Variants in PNLIPRP3 observed in about 807,000 individuals in gnomAD.
The protein encoded by PNLIPRP3 is pancreatic lipase related protein 3, also known as pancreatic lipase-related protein 3.
In PNLIPRP3, 58 loss-of-function variants were observed where a neutral mutation model predicts 52.8. The ratio of observed to expected loss-of-function variants is 1.10; its 90% CI spans 0.89 to 1.37. The LOEUF (loss-of-function observed/expected upper bound fraction) is 1.37, where lower values mean the gene tolerates loss of function less well. PNLIPRP3 is among the 40% of genes most tolerant of loss of function. PNLIPRP3 has a pLI of 0.00. For synonymous variants in PNLIPRP3, 192 were observed against 185.0 expected (o/e 1.04, Z -0.31); for missense variants, 593 against 561.6 (o/e 1.06, Z -0.57).
chr10:116,455,320 C>T (rs1846096153), intron 4 of PNLIPRP3, among the ~76,000 whole-genome samples: 1 of 138,326 alleles, frequency 7.2e-6, no homozygotes, highest in Non-Finnish European at 1.6e-5. Context: ...GTTGCCTTAA[C>T]CTGGGATACA....
intron 1 of PNLIPRP3, among the ~76,000 whole-genome samples, chr10:116,431,423 C>T (rs1373269556): frequency 6.6e-6 from 1 of 152,054 alleles, no homozygotes; most frequent in East Asian, 1.9e-4. Context: ...ATTCAAACTC[C>T]TGGGGGCCAG....
intron 4 of PNLIPRP3, among the ~76,000 whole-genome samples, chr10:116,447,661 C>T (rs972404383): frequency 2.0e-5 from 3 of 152,092 alleles, no homozygotes; most frequent in African/African-American, 7.2e-5. Flanking sequence ...GAAGGCTGAG[C>T]GTGGTGGCCC....
intron 7 of PNLIPRP3, among the ~76,000 whole-genome samples, chr10:116,463,566 C>A: frequency 6.6e-6 from 1 of 152,158 alleles, no homozygotes. Flanking sequence ...GATCTTGGTT[C>A]TTTGCTACTG....
At chr10:116,472,483 A>T (rs1042708187) in intron 10 of PNLIPRP3, among the ~76,000 whole-genome samples, 3 of 152,214 alleles carry the variant, frequency 2.0e-5, no homozygotes. Context: ...TTAACATTAT[A>T]CCTACTAATT....
intron 10 of PNLIPRP3, among the ~76,000 whole-genome samples, chr10:116,473,339 G>A (rs1047568368): frequency 6.6e-6 from 1 of 152,108 alleles, no homozygotes; most frequent in African/African-American, 2.4e-5. Flanking sequence ...CATTAAAATG[G>A]CAATATCAAT....
chr10:116,475,676 G>A (rs1417075276), intron 10 of PNLIPRP3, among the ~76,000 whole-genome samples: 3 of 152,200 alleles, frequency 2.0e-5, no homozygotes, highest in Non-Finnish European at 4.4e-5. Flanking sequence ...TGCCTACGCT[G>A]TACCAGGAAC....
chr10:116,455,630 T>A, intron 4 of PNLIPRP3, 92 bp from the exon 5 acceptor site: 1 of 866,732 alleles, frequency 1.2e-6, no homozygotes, highest in East Asian at 2.7e-5. Context: ...GGGAGAACCA[T>A]GTTGATCCTT....
intron 8 of PNLIPRP3, among the ~76,000 whole-genome samples, chr10:116,467,144 C>T (rs1222264527): frequency 6.6e-6 from 1 of 152,116 alleles, no homozygotes; most frequent in Non-Finnish European, 1.5e-5. Flanking sequence ...CTAGCTCATG[C>T]CACATGGATG....
At chr10:116,439,689 A>G (rs1845829873) in intron 2 of PNLIPRP3, 1 of 768,072 alleles carries the variant, frequency 1.3e-6, no homozygotes, top group Non-Finnish European at 2.4e-6. Context: ...CCACGTCTCC[A>G]ATAGAGAAGC....
intron 4 of PNLIPRP3, among the ~76,000 whole-genome samples, chr10:116,451,796 C>G (rs930080930): frequency 6.6e-6 from 1 of 152,046 alleles, no homozygotes; most frequent in Non-Finnish European, 1.5e-5. Flanking sequence ...TTATGAATTA[C>G]CCAGCCTTAG....
chr10:116,439,460 T>TTCC (rs200520982), intron 2 of PNLIPRP3: 9,751 of 668,570 alleles, frequency 0.015, 80 homozygotes, highest in African/African-American at 0.026. Flanking sequence ...AGTTTCTTTA[T>TTCC]TCCTCCTCCT....
At chr10:116,439,890 C>G (rs965081383) in intron 2 of PNLIPRP3, 12 of 796,834 alleles carry the variant, frequency 1.5e-5, no homozygotes, top group African/African-American at 1.2e-4. Flanking sequence ...CTTTCCCGGA[C>G]ATTATCTTCC....
chr10:116,469,970 C>CAAAAAAAAAAA (rs34958696), intron 9 of PNLIPRP3, among the ~76,000 whole-genome samples: 1 of 131,518 alleles, frequency 7.6e-6, no homozygotes, highest in African/African-American at 2.8e-5. Context: ...ACAATTCAGG[C>CAAAAAAAAAAA]AAAAAAAAAA....
At chr10:116,451,281 T>C (rs1417050663) in intron 4 of PNLIPRP3, among the ~76,000 whole-genome samples, 1 of 152,026 alleles carries the variant, frequency 6.6e-6, no homozygotes, top group East Asian at 1.9e-4. Context: ...ACAAATCAAT[T>C]TGAAATAGAT....
chr10:116,435,259 A>G (rs1243413223), intron 1 of PNLIPRP3, among the ~76,000 whole-genome samples: 1 of 152,142 alleles, frequency 6.6e-6, no homozygotes, highest in Non-Finnish European at 1.5e-5. Context: ...ATCAATTTTG[A>G]TAGTATGAAA....
chr10:116,471,930 C>G, intron 10 of PNLIPRP3, 51 bp downstream of exon 10: 1 of 1,143,066 alleles, frequency 8.7e-7, no homozygotes, highest in Non-Finnish European at 1.3e-6. Flanking sequence ...GGCTCAGTAA[C>G]ACTAAGTGAG....
chr10:116,445,394 T>C (rs1368886334), intron 4 of PNLIPRP3, among the ~76,000 whole-genome samples: 3 of 152,200 alleles, frequency 2.0e-5, no homozygotes, highest in African/African-American at 7.2e-5. Flanking sequence ...CATTGACCAC[T>C]GTCAGTAAAC....
In PNLIPRP3 at chr10:116,443,106, G is replaced by T. The variant is rs1180041370; in HGVS notation, c.256G>T (p.Asp86Tyr). 3 of 1,611,170 alleles carry T rather than the reference G, an allele frequency of 1.9e-6. No homozygotes were observed. Among genetic ancestry groups the T allele is most frequent in the African/African-American group, 2.7e-5 (2 of 74,802 alleles). ...STIQASYFGT[D>Y]KITRINIAGW... ...TATCCAAGCCTCATATTTTGGAACAGACAAGATCACCCGTATCAACATAGC... is the reference window on the plus strand; with the variant it reads ...TATCCAAGCCTCATATTTTGGAACATACAAGATCACCCGTATCAACATAGC... The change falls in exon 3 of 12, where the codon GAC becomes TAC. Residue 86 changes from aspartate (D) to tyrosine (Y), a missense_variant. Physicochemically the swap from Asp to Tyr is radical, Grantham distance 160. Coordinates refer to ENST00000369230, the MANE Select transcript of PNLIPRP3 (RefSeq NM_001011709.3).
chr10:116,444,286 T>TTTATAGTATA, intron 3 of PNLIPRP3, 96 bp from the exon 4 acceptor site: 1 of 1,074,006 alleles, frequency 9.3e-7, no homozygotes, highest in Non-Finnish European at 1.3e-6. Context: ...CATATCAACC[T>TTTATAGTATA]ACTAGTATAA....
Sources: allele counts gnomAD v4.1 joint callset (sites outside exome capture counted in the v4.1 genomes callset), GRCh38; gene constraint gnomAD v4.1.1; transcripts MANE v1.5; gene names NCBI Gene and HGNC (gene_info 2026-07-23, HGNC 2026-07-21).